Variants in PDE3B observed in about 807,000 individuals in gnomAD.
PDE3B encodes phosphodiesterase 3B.
In PDE3B, 66 loss-of-function variants were observed where a neutral mutation model predicts 116.8. The ratio of observed to expected loss-of-function variants is 0.56; its 90% confidence interval spans 0.46 to 0.69. The LOEUF (loss-of-function observed/expected upper bound fraction) is 0.69, where lower values mean the gene tolerates loss of function less well. PDE3B is among the 30% of genes least tolerant of loss of function. PDE3B has a pLI of 0.00. For synonymous variants in PDE3B, 595 were observed against 533.6 expected (o/e 1.12, Z -1.59); for missense variants, 1,384 against 1,368.1 (o/e 1.01, Z -0.18).
rs148319092 is a variant in PDE3B, at chr11:14,672,530, A to G, written c.978+27477A>G. 4.6e-4 allele frequency among the ~76,000 whole-genome samples: 70 copies of G among 152,300 alleles called. No homozygotes were observed. The East Asian group carries it at 0.012, about 26-fold the overall frequency. On this transcript the variant is annotated intron_variant, in intron 1 of 15. Transcript: ENST00000282096. ...GTTTTGTTGGTCTATTTGTTATGAT[A>G]AAGGCTAAACTAATGTTAACAAGAG... is the stretch of plus-strand genomic sequence containing the variant.
At chr11:14,848,365 A>C (rs1296142936) in intron 12 of PDE3B, among the ~76,000 whole-genome samples, 2 of 144,864 alleles carry the variant, frequency 1.4e-5, no homozygotes, top group South Asian at 2.3e-4. Flanking sequence ...ATCTATGACA[A>C]ACCCACAGCC....
At position 14,652,717 on chromosome 11, in the gene PDE3B, G is replaced by A. The variant is rs145823338; in HGVS notation, c.978+7664G>A. On this transcript the variant is annotated intron_variant, in intron 1 of 15. Coordinates refer to ENST00000282096, the MANE Select transcript of PDE3B (RefSeq NM_000922.4). ...CTTCCGCTGTCCCCTGATAATCACC[G>A]TTTGACTTTATGTTTCAATGAATTT... Among the ~76,000 whole-genome samples, 783 of 152,134 alleles carry A rather than the reference G, an allele frequency of 5.1e-3. 7 individuals carry two copies. The highest frequency in any genetic ancestry group is 7.6e-3 in the Non-Finnish European group (519 of 67,988).
chr11:14,844,043 A>G lies in PDE3B; in HGVS notation c.2520+17A>G, dbSNP rs770370501. 1 of 1,591,966 alleles carries G rather than the reference A, an allele frequency of 6.3e-7. No homozygotes were observed. Among genetic ancestry groups the G allele is most frequent in the Non-Finnish European group, 8.6e-7 (1 of 1,160,150 alleles). ...GCCCCTCAGGTAGGAAATATTTTTA[A>G]GAACCTTTAAAGAGTAATTCTGAAA... On this transcript the variant is annotated intron_variant, in intron 12 of 15. Transcript: ENST00000282096.
intron 2 of PDE3B, chr11:14,776,656 GTAA>G (rs1299163239): frequency 4.7e-5 from 7 of 149,400 alleles, no homozygotes; most frequent in Admixed American, 2.0e-4. Flanking sequence ...AATAATAATA[GTAA>G]TAATAAAAAA....
chr11:14,844,088 T>A (rs1463137489), intron 12 of PDE3B, 62 bp downstream of exon 12: 5 of 1,215,690 alleles, frequency 4.1e-6, no homozygotes, highest in Non-Finnish European at 3.6e-6. Context: ...ATGCTGTGTA[T>A]CCCTTTATAA....
At chr11:14,703,246 A>G (rs887698606) in intron 1 of PDE3B, among the ~76,000 whole-genome samples, 1 of 151,726 alleles carries the variant, frequency 6.6e-6, no homozygotes, top group Non-Finnish European at 1.5e-5. Context: ...CTTGTCCTTT[A>G]CCACAGGCAT....
At chr11:14,898,735 T>C in the PDE3B span, among the ~76,000 whole-genome samples, 1 of 152,146 alleles carries the variant, frequency 6.6e-6, no homozygotes, top group African/African-American at 2.4e-5. Flanking sequence ...TTTTCTTTTT[T>C]TAAGGCTGTC....
At chr11:14,663,836 C>G (rs573395143) in intron 1 of PDE3B, among the ~76,000 whole-genome samples, 151 of 152,234 alleles carry the variant, frequency 9.9e-4, no homozygotes, top group Admixed American at 3.3e-3. Flanking sequence ...CTTTAACACC[C>G]CACTGTCAAC....
chr11:14,892,208 G>A, the PDE3B span: 3 of 1,608,982 alleles, frequency 1.9e-6, no homozygotes, highest in Non-Finnish European at 2.5e-6. Flanking sequence ...TTCCACATCG[G>A]CCCGAGCTGG....
At chr11:14,781,779 C>A (rs1412503949) in intron 2 of PDE3B, among the ~76,000 whole-genome samples, 1 of 152,164 alleles carries the variant, frequency 6.6e-6, no homozygotes, top group Non-Finnish European at 1.5e-5. Flanking sequence ...TCTCACCACT[C>A]CTGTTCAACA....
chr11:14,841,388 CAT>C (rs1195262909), intron 11 of PDE3B, among the ~76,000 whole-genome samples: 3 of 145,668 alleles, frequency 2.1e-5, no homozygotes, highest in Admixed American at 6.9e-5. Context: ...TATATATATT[CAT>C]ATATATATAT....
At chr11:14,678,993 T>G (rs1414762207) in intron 1 of PDE3B, among the ~76,000 whole-genome samples, 2 of 152,142 alleles carry the variant, frequency 1.3e-5, no homozygotes, top group African/African-American at 4.8e-5. Context: ...AATTCTAACA[T>G]CATTTGTTGT....
chr11:14,849,658 C>T (rs1847698699), intron 12 of PDE3B, among the ~76,000 whole-genome samples: 1 of 152,052 alleles, frequency 6.6e-6, no homozygotes, highest in African/African-American at 2.4e-5. Context: ...ACACACAACC[C>T]CATCAACAAG....
intron 12 of PDE3B, among the ~76,000 whole-genome samples, chr11:14,846,172 G>A (rs1213427595): frequency 6.6e-6 from 1 of 152,192 alleles, no homozygotes; most frequent in Admixed American, 6.5e-5. Flanking sequence ...AGAAGAGAGT[G>A]GGGGCCAATA....
chr11:14,877,196 T>G, the PDE3B span, among the ~76,000 whole-genome samples: 1 of 152,164 alleles, frequency 6.6e-6, no homozygotes, highest in Non-Finnish European at 1.5e-5. Flanking sequence ...ACCCTTGTTG[T>G]CCTGACATAA....
intron 1 of PDE3B, among the ~76,000 whole-genome samples, chr11:14,767,194 C>T (rs1474521249): frequency 2.6e-5 from 4 of 151,422 alleles, no homozygotes; most frequent in African/African-American, 9.7e-5. Flanking sequence ...TGTTCATTTA[C>T]CAAAGAGGTT....
intron 1 of PDE3B, among the ~76,000 whole-genome samples, chr11:14,754,788 C>A (rs1333473170): frequency 6.6e-6 from 1 of 152,026 alleles, no homozygotes; most frequent in African/African-American, 2.4e-5. Context: ...GTCTCTTCAT[C>A]CTTTATTATT....
At chr11:14,842,652 A>G (rs750646157) in intron 11 of PDE3B, among the ~76,000 whole-genome samples, 4 of 152,300 alleles carry the variant, frequency 2.6e-5, no homozygotes, top group Non-Finnish European at 5.9e-5. Flanking sequence ...GGGCAGGTCA[A>G]TTGAGATGAG....
At chr11:14,741,534 CTT>C (rs1384021279) in intron 1 of PDE3B, among the ~76,000 whole-genome samples, 4 of 151,994 alleles carry the variant, frequency 2.6e-5, no homozygotes, top group African/African-American at 9.7e-5. Flanking sequence ...GGTCTTGACT[CTT>C]TATTCAATTT....
Sources: allele counts gnomAD v4.1 joint callset (sites outside exome capture counted in the v4.1 genomes callset), GRCh38; gene constraint gnomAD v4.1.1; transcripts MANE v1.5; gene names NCBI Gene and HGNC (gene_info 2026-07-23, HGNC 2026-07-21).